GRIA4: variants seen among roughly 807,000 people sequenced by gnomAD.
GRIA4 encodes the protein glutamate ionotropic receptor AMPA type subunit 4, also known as glutamate receptor 4.
In GRIA4, 34 loss-of-function variants were observed where a neutral mutation model predicts 104.0. That is an observed-to-expected ratio of 0.33 (90% CI 0.25 to 0.44). The LOEUF is 0.44. Ranked by LOEUF, GRIA4 falls within the 20% of genes least tolerant of loss-of-function variation. The probability of loss-of-function intolerance (pLI) is 1.00; values close to 1 mark genes in which losing one functional copy is unlikely to be tolerated. For synonymous variants in GRIA4, 386 were observed against 381.9 expected (o/e 1.01, Z -0.13); for missense variants, 750 against 1,096.5 (o/e 0.68, Z 4.46).
At position 105,898,267 on chromosome 11, in the gene GRIA4, A is replaced by T; in HGVS notation, c.727-2A>T. On this transcript the variant is annotated splice_acceptor_variant, in intron 6 of 16. Coordinates refer to ENST00000282499, the MANE Select transcript of GRIA4 (RefSeq NM_000829.4). LOFTEE classifies it high-confidence loss of function. ...AACAATCTTTTGTATTAATTTTTAT[A>T]GGGATTCAAGGATATTTCTCTTGAG... is the stretch of plus-strand genomic sequence containing the variant. 1 of 1,456,896 alleles carries T rather than the reference A, an allele frequency of 6.9e-7. No individual in the cohort carries two copies. The highest frequency in any genetic ancestry group is 9.5e-7 in the Non-Finnish European group (1 of 1,050,280). 90.2% of individuals were successfully genotyped at this position (1,456,896 alleles called of 1,614,324 possible). A position where few individuals can be genotyped will look rare whatever the true frequency, so the allele number is the denominator to read the frequency against.
At chr11:105,658,258 G>A (rs1052909061) in intron 3 of GRIA4, among the ~76,000 whole-genome samples, 1 of 151,708 alleles carries the variant, frequency 6.6e-6, no homozygotes, top group African/African-American at 2.4e-5. Flanking sequence ...GCATTTAGAT[G>A]AGTTTGCTGC....
At chr11:105,945,909 C>T (rs1003383444) in intron 14 of GRIA4, among the ~76,000 whole-genome samples, 1 of 151,950 alleles carries the variant, frequency 6.6e-6, no homozygotes, top group East Asian at 1.9e-4. Context: ...AAATCCAAAG[C>T]ATTTTTATAC....
chr11:105,654,718 A>G (rs555073838), intron 3 of GRIA4, among the ~76,000 whole-genome samples: 1 of 152,244 alleles, frequency 6.6e-6, no homozygotes, highest in East Asian at 1.9e-4. Flanking sequence ...AGATCAGCAG[A>G]AGTAGTCTGC....
At chr11:105,967,624 T>C (rs960065810) in intron 14 of GRIA4, among the ~76,000 whole-genome samples, 2 of 150,424 alleles carry the variant, frequency 1.3e-5, no homozygotes, top group Non-Finnish European at 3.0e-5. Flanking sequence ...CAAAATGTTA[T>C]AAAAAATTAA....
chr11:105,964,319 A>C (rs1948808143), intron 14 of GRIA4, among the ~76,000 whole-genome samples: 1 of 152,196 alleles, frequency 6.6e-6, no homozygotes, highest in South Asian at 2.1e-4. Context: ...TAATACTAAA[A>C]ACTCTTAAGT....
intron 3 of GRIA4, among the ~76,000 whole-genome samples, chr11:105,689,442 A>G (rs1172624190): frequency 6.6e-6 from 1 of 152,208 alleles, no homozygotes; most frequent in African/African-American, 2.4e-5. Context: ...TTAATGACCT[A>G]GAACTTGGAG....
intron 7 of GRIA4, among the ~76,000 whole-genome samples, chr11:105,903,303 T>C (rs1946925011): frequency 6.6e-6 from 1 of 152,194 alleles, no homozygotes; most frequent in African/African-American, 2.4e-5. Context: ...AATAAACAAT[T>C]CCACTCATTC....
chr11:105,801,371 T>C (rs1471234513), intron 4 of GRIA4, among the ~76,000 whole-genome samples: 1 of 151,942 alleles, frequency 6.6e-6, no homozygotes, highest in Non-Finnish European at 1.5e-5. Context: ...ATTATAAGAA[T>C]GTAGGTTTTA....
intron 10 of GRIA4, chr11:105,913,448 A>G (rs1404434692): frequency 8.6e-6 from 4 of 465,632 alleles, no homozygotes; most frequent in Non-Finnish European, 1.1e-5. Flanking sequence ...CATCATTTTT[A>G]TCTTTAAGTC....
At chr11:105,911,405 A>G (rs1241521262) in intron 10 of GRIA4, among the ~76,000 whole-genome samples, 1 of 152,040 alleles carries the variant, frequency 6.6e-6, no homozygotes. Context: ...TCTCATTTAA[A>G]GTTATATATA....
chr11:105,785,812 T>C (rs889088151), intron 4 of GRIA4, among the ~76,000 whole-genome samples: 3 of 151,940 alleles, frequency 2.0e-5, no homozygotes, highest in African/African-American at 7.3e-5. Context: ...GTCGATAATA[T>C]CAATTGACTA....
At chr11:105,649,650 TCAA>T (rs2135378546) in intron 3 of GRIA4, among the ~76,000 whole-genome samples, 1 of 152,250 alleles carries the variant, frequency 6.6e-6, no homozygotes, top group African/African-American at 2.4e-5. Context: ...AGGATAAAAG[TCAA>T]ACTTTATGAG....
chr11:105,795,996 A>G (rs751749271), intron 4 of GRIA4, among the ~76,000 whole-genome samples: 11 of 152,160 alleles, frequency 7.2e-5, no homozygotes, highest in Admixed American at 3.9e-4. Context: ...CCAGTCACAA[A>G]TGCCTGCAGA....
At chr11:105,947,197 G>T (rs1402474437) in intron 14 of GRIA4, among the ~76,000 whole-genome samples, 1 of 152,150 alleles carries the variant, frequency 6.6e-6, no homozygotes, top group Non-Finnish European at 1.5e-5. Context: ...TTTAGCTCAT[G>T]GCATATTTTG....
At chr11:105,937,144 C>T (rs964832447) in intron 14 of GRIA4, among the ~76,000 whole-genome samples, 2 of 152,086 alleles carry the variant, frequency 1.3e-5, no homozygotes, top group African/African-American at 4.8e-5. Context: ...AAACCTTTCT[C>T]TGGTTGAGAA....
intron 3 of GRIA4, among the ~76,000 whole-genome samples, chr11:105,624,483 T>C (rs1364754233): frequency 6.6e-6 from 1 of 152,128 alleles, no homozygotes; most frequent in African/African-American, 2.4e-5. Flanking sequence ...GTCAAATGTA[T>C]AATGTTATTC....
intron 4 of GRIA4, among the ~76,000 whole-genome samples, chr11:105,829,610 C>T (rs1297781568): frequency 6.6e-6 from 1 of 151,874 alleles, no homozygotes; most frequent in Admixed American, 6.6e-5. Context: ...CGAGGGACCA[C>T]TTAAAGTGGC....
At chr11:105,951,331 A>G (rs532772473) in intron 14 of GRIA4, among the ~76,000 whole-genome samples, 1 of 152,344 alleles carries the variant, frequency 6.6e-6, no homozygotes, top group African/African-American at 2.4e-5. Flanking sequence ...ACCAGTTCTT[A>G]TATTTTAAAA....
At chr11:105,664,690 T>C (rs1446968695) in intron 3 of GRIA4, among the ~76,000 whole-genome samples, 3 of 152,004 alleles carry the variant, frequency 2.0e-5, no homozygotes, top group Non-Finnish European at 4.4e-5. Context: ...TATTCTCCTG[T>C]GAAAGACAGC....
Sources: allele counts gnomAD v4.1 joint callset (sites outside exome capture counted in the v4.1 genomes callset), GRCh38; gene constraint gnomAD v4.1.1; transcripts MANE v1.5; gene names NCBI Gene and HGNC (gene_info 2026-07-23, HGNC 2026-07-21).